The following DNAI7 variants were observed in gnomAD, a reference collection of about 807,000 sequenced individuals.
DNAI7 encodes cancer susceptibility 1.
DNAI7 carries 78 observed loss-of-function variants against 86.6 expected under a neutral mutation model. The ratio of observed to expected loss-of-function variants is 0.90; its 90% confidence interval spans 0.75 to 1.09. The LOEUF is 1.09. Ranked by LOEUF, DNAI7 falls within the 50% of genes least tolerant of loss-of-function variation. The pLI is 0.00. For missense variants in DNAI7, 753 were observed against 810.2 expected, an observed-to-expected ratio of 0.93 and a Z score of 0.86; for synonymous variants, 274 against 273.0, an observed-to-expected ratio of 1.00 and a Z score of -0.04.
chr12:25,122,065 A>G (rs910772990), intron 10 of DNAI7, 152 bp from the exon 11 acceptor site: 2 of 566,340 alleles, frequency 3.5e-6, no homozygotes, highest in Non-Finnish European at 6.1e-6. Context: ...AATGATTCAT[A>G]GAGCTGACCT....
chr12:25,179,433 C>T (rs550983779), intron 2 of DNAI7, among the ~76,000 whole-genome samples: 1 of 152,114 alleles, frequency 6.6e-6, no homozygotes, highest in Admixed American at 6.5e-5. Flanking sequence ...AAACATTATT[C>T]TATTAATTAT....
rs545527989 is a variant in DNAI7, at chr12:25,168,411, C to G, written c.22-7214G>C. The stretch of plus-strand genomic sequence containing the variant: ...TGCTTGTCAGTTTAAGACTTTCTGC[C>G]TCCACTATTGCTCTCAGTATTGGAA... On this transcript the variant is annotated intron_variant, in intron 2 of 15. Coordinates refer to ENST00000395987, the MANE Select transcript of DNAI7 (RefSeq NM_018272.5). 1.2e-4 allele frequency among the ~76,000 whole-genome samples: 18 copies of G among 152,302 alleles called. 1 individual carries two copies. The South Asian group carries it at 3.7e-3, about 32-fold the overall frequency.
intron 11 of DNAI7, among the ~76,000 whole-genome samples, chr12:25,121,352 G>A (rs779592018): frequency 1.2e-4 from 19 of 152,194 alleles, no homozygotes; most frequent in Non-Finnish European, 2.4e-4. Context: ...TTTATACACA[G>A]CAGTTTTAGT....
At chr12:25,115,182 A>G (rs148993799) in intron 12 of DNAI7, among the ~76,000 whole-genome samples, 1 of 152,358 alleles carries the variant, frequency 6.6e-6, no homozygotes, top group East Asian at 1.9e-4. Context: ...CACTGTATGT[A>G]TACCTCTGGG....
At chr12:25,178,592 C>T (rs1355664754) in intron 2 of DNAI7, among the ~76,000 whole-genome samples, 2 of 151,806 alleles carry the variant, frequency 1.3e-5, no homozygotes, top group Non-Finnish European at 2.9e-5. Flanking sequence ...TAAAAGTAAA[C>T]AAAAATCCTT....
intron 13 of DNAI7, among the ~76,000 whole-genome samples, chr12:25,112,914 A>G (rs1939247413): frequency 6.6e-6 from 1 of 152,168 alleles, no homozygotes; most frequent in African/African-American, 2.4e-5. Flanking sequence ...GCTGGTAGCT[A>G]CCACATTAGA....
intron 2 of DNAI7, among the ~76,000 whole-genome samples, chr12:25,175,455 G>T (rs1948855280): frequency 6.6e-6 from 1 of 152,034 alleles, no homozygotes; most frequent in South Asian, 2.1e-4. Flanking sequence ...CGCCTCCCAG[G>T]TTCAAGGGAT....
At chr12:25,163,279 G>A (rs1947039961) in intron 2 of DNAI7, among the ~76,000 whole-genome samples, 1 of 152,038 alleles carries the variant, frequency 6.6e-6, no homozygotes, top group African/African-American at 2.4e-5. Context: ...CATCTAGATG[G>A]CCGGTTCCTG....
At chr12:25,117,417 G>A (rs1046930412) in intron 12 of DNAI7, among the ~76,000 whole-genome samples, 18 of 152,122 alleles carry the variant, frequency 1.2e-4, no homozygotes, top group African/African-American at 4.3e-4. Flanking sequence ...TAAATAAGTA[G>A]ATTATGTAAA....
intron 9 of DNAI7, among the ~76,000 whole-genome samples, chr12:25,127,436 T>A (rs920883729): frequency 2.0e-5 from 3 of 152,172 alleles, no homozygotes; most frequent in Non-Finnish European, 4.4e-5. Flanking sequence ...TTTCCAAGTA[T>A]TTTTTTCTTC....
chr12:25,154,399 T>C lies in DNAI7; in HGVS notation c.358A>G (p.Asn120Asp). The C allele has an allele frequency of 6.2e-7, 1 of 1,611,830 alleles. No individual in the cohort carries two copies. The highest frequency in any genetic ancestry group is 8.5e-7 in the Non-Finnish European group (1 of 1,179,406). ...SPDPSVAQEM[N>D]TFISLWKEKT... is the part of the protein sequence containing the mutation. ...TCTTTCCACAAACTAATAAACGTGT[T>C]CATTTCTTGGGCTACTGAAGGATCA... Residue 120 changes from asparagine (N) to aspartate (D), a missense_variant, in exon 6 of 16, where the codon AAC becomes GAC. Transcript: ENST00000395987.
chr12:25,189,860 G>T (rs905632213), intron 2 of DNAI7, among the ~76,000 whole-genome samples: 1 of 151,962 alleles, frequency 6.6e-6, no homozygotes, highest in Non-Finnish European at 1.5e-5. Context: ...TCCTAAAAGG[G>T]GTAGCTGTTA....
chr12:25,173,661 T>C (rs1302748696), intron 2 of DNAI7, among the ~76,000 whole-genome samples: 1 of 152,010 alleles, frequency 6.6e-6, no homozygotes, highest in Admixed American at 6.6e-5. Flanking sequence ...CACATGTTTA[T>C]AGCAGCACAA....
intron 9 of DNAI7, 108 bp from the exon 10 acceptor site, chr12:25,123,394 G>T: frequency 1.7e-6 from 1 of 592,196 alleles, no homozygotes; most frequent in Non-Finnish European, 2.7e-6. Context: ...TTAATTCTAG[G>T]CTGAAAACCC....
At chr12:25,187,943 G>C (rs1950186111) in intron 2 of DNAI7, among the ~76,000 whole-genome samples, 1 of 152,104 alleles carries the variant, frequency 6.6e-6, no homozygotes, top group Non-Finnish European at 1.5e-5. Flanking sequence ...TCTGACACTG[G>C]TAGAAGGAAG....
chr12:25,158,086 G>A (rs939083721), intron 4 of DNAI7, among the ~76,000 whole-genome samples: 21 of 152,006 alleles, frequency 1.4e-4, no homozygotes, highest in Admixed American at 6.6e-4. Context: ...AAAATTAGCC[G>A]GGTGTGGTGG....
intron 4 of DNAI7, among the ~76,000 whole-genome samples, chr12:25,157,159 TC>T (rs1946272276): frequency 1.3e-5 from 2 of 151,294 alleles, no homozygotes; most frequent in South Asian, 4.2e-4. Flanking sequence ...GTGCCTGTAG[TC>T]CCAGCTACTC....
At chr12:25,136,555 G>GA (rs1943576404) in intron 9 of DNAI7, among the ~76,000 whole-genome samples, 3 of 152,136 alleles carry the variant, frequency 2.0e-5, no homozygotes, top group South Asian at 2.1e-4. Flanking sequence ...TCCAAACCAT[G>GA]AAAAAAATCT....
intron 7 of DNAI7, among the ~76,000 whole-genome samples, chr12:25,148,482 C>T (rs1440828124): frequency 6.6e-6 from 1 of 152,134 alleles, no homozygotes; most frequent in East Asian, 1.9e-4. Flanking sequence ...TTATGTATTC[C>T]TCAACAGCTT....
Sources: gnomAD v4.1 joint callset for allele counts (sites outside exome capture counted in the v4.1 genomes callset) on GRCh38, gnomAD v4.1.1 for gene constraint, MANE v1.5 for transcripts, NCBI Gene and HGNC (gene_info 2026-07-23, HGNC 2026-07-21) for gene names.